Variants in AMBRA1 observed in about 807,000 individuals in gnomAD.
AMBRA1 encodes the protein autophagy and beclin 1 regulator 1.
Under a neutral mutation model 125.4 loss-of-function variants are expected in AMBRA1, and 47 were observed. The ratio of observed to expected loss-of-function variants is 0.37; its 90% CI spans 0.30 to 0.48. The LOEUF is 0.48. AMBRA1 is among the 20% of genes least tolerant of loss of function. AMBRA1 has a pLI of 0.99. For missense variants in AMBRA1, 1,331 were observed against 1,693.4 expected, an observed-to-expected ratio of 0.79 and a Z score of 3.76; for synonymous variants, 626 against 655.5, an observed-to-expected ratio of 0.95 and a Z score of 0.69.
intron 1 of AMBRA1, among the ~76,000 whole-genome samples, chr11:46,560,686 C>G (rs1364716827): frequency 6.6e-6 from 1 of 152,166 alleles, no homozygotes; most frequent in Non-Finnish European, 1.5e-5. Context: ...GAGGAAAGCA[C>G]TAAACCAAGA....
chr11:46,406,344 A>C (rs1590717616), intron 17 of AMBRA1, among the ~76,000 whole-genome samples: 2 of 130,218 alleles, frequency 1.5e-5, no homozygotes, highest in South Asian at 2.9e-4. Context: ...GTGAGCCACC[A>C]CACCCAGCTG....
intron 5 of AMBRA1, 133 bp downstream of exon 5, chr11:46,545,471 A>G (rs1248566422): frequency 9.4e-7 from 1 of 1,061,424 alleles, no homozygotes; most frequent in Non-Finnish European, 1.3e-6. Context: ...CAAAAAAAAA[A>G]TAGGAGGAGC....
intron 7 of AMBRA1, among the ~76,000 whole-genome samples, chr11:46,521,731 C>T (rs1386847041): frequency 1.3e-5 from 2 of 152,196 alleles, no homozygotes; most frequent in Admixed American, 6.5e-5. Context: ...GCAGGGCCCC[C>T]TAGTTTGAGG....
intron 1 of AMBRA1, among the ~76,000 whole-genome samples, chr11:46,587,500 T>C (rs776720064): frequency 1.3e-5 from 2 of 152,198 alleles, no homozygotes; most frequent in African/African-American, 4.8e-5. Flanking sequence ...ACATATTACA[T>C]GTAGCAATCA....
chr11:46,438,279 A>G (rs1947825783), intron 12 of AMBRA1, among the ~76,000 whole-genome samples: 1 of 152,240 alleles, frequency 6.6e-6, no homozygotes, highest in Non-Finnish European at 1.5e-5. Flanking sequence ...GACAGCAGGA[A>G]GCCATGTTCC....
intron 7 of AMBRA1, among the ~76,000 whole-genome samples, chr11:46,541,049 T>C (rs1056284439): frequency 6.6e-6 from 1 of 152,248 alleles, no homozygotes; most frequent in Non-Finnish European, 1.5e-5. Context: ...CGACAGAGGA[T>C]GTAATGCAGC....
chr11:46,477,081 A>AAGAGTGTCTT lies in AMBRA1; in HGVS notation c.2521+16526_2521+16527insAAGACACTCT, dbSNP rs1949844967. Among the ~76,000 whole-genome samples the AAGAGTGTCTT allele has an allele frequency of 2.0e-5, 3 of 150,918 alleles. No individual in the cohort carries two copies. In the East Asian group the frequency reaches 5.8e-4, roughly 29 times the overall value. On this transcript the variant is annotated intron_variant, in intron 11 of 17. Transcript: ENST00000683756. ...AGCCGAGATTGCGCCACTGCACTCC[A>AAGAGTGTCTT]GCCTGGGCAAGACTGTCTCAAAAAA... is the stretch of plus-strand genomic sequence containing the variant.
At chr11:46,523,032 G>A (rs1454298128) in intron 7 of AMBRA1, among the ~76,000 whole-genome samples, 1 of 152,182 alleles carries the variant, frequency 6.6e-6, no homozygotes, top group Non-Finnish European at 1.5e-5. Flanking sequence ...ATTAACCAGA[G>A]GCAAGGAGGC....
intron 15 of AMBRA1, among the ~76,000 whole-genome samples, chr11:46,411,684 G>T (rs1432376370): frequency 6.6e-6 from 1 of 152,172 alleles, no homozygotes; most frequent in Non-Finnish European, 1.5e-5. Flanking sequence ...GGCCAGGCTG[G>T]TCTCGAACTC....
intron 1 of AMBRA1, among the ~76,000 whole-genome samples, chr11:46,554,682 A>C (rs953010407): frequency 6.6e-6 from 1 of 152,190 alleles, no homozygotes; most frequent in African/African-American, 2.4e-5. Flanking sequence ...CCCTGTAAAG[A>C]ACAAAGGGAG....
Position 46,542,365 on chromosome 11 carries a change from G to C in AMBRA1, c.1652C>G (p.Pro551Arg). 6.2e-7 allele frequency: 1 copy of C among 1,614,134 alleles called. No individual in the cohort carries two copies. The highest frequency in any genetic ancestry group is 8.5e-7 in the Non-Finnish European group (1 of 1,180,036). Reference protein sequence around the residue: ...ERPGPSHQPTPHSSENNSNLS... With the variant: ...ERPGPSHQPTRHSSENNSNLS... ...GTTGGAGTTGTTCTCACTGCTGTGT[G>C]GGGTGGGCTGGTGGGAAGGGCCTGG... The change falls in exon 7 of 18, where the codon CCA (proline) becomes CGA (arginine). Residue 551 changes from proline to arginine, a missense_variant. Physicochemically the swap from Pro to Arg is moderately radical, Grantham distance 103. Coordinates refer to ENST00000683756, the MANE Select transcript of AMBRA1 (RefSeq NM_001387011.1). The surrounding 1 kb of genome is among the most constrained non-coding windows in gnomAD (Gnocchi z 5.9).
intron 14 of AMBRA1, among the ~76,000 whole-genome samples, chr11:46,421,887 A>T (rs1253009734): frequency 6.6e-6 from 1 of 152,156 alleles, no homozygotes; most frequent in East Asian, 1.9e-4. Flanking sequence ...GTAAACCCAA[A>T]GGTCATCAGT....
chr11:46,442,868 C>T (rs1342153710), intron 12 of AMBRA1, among the ~76,000 whole-genome samples: 2 of 152,148 alleles, frequency 1.3e-5, no homozygotes, highest in African/African-American at 4.8e-5. Flanking sequence ...ATTATAGGTG[C>T]ATGCCATCAT....
chr11:46,494,950 TAGGCCACGA>T (rs1332632840), intron 9 of AMBRA1: 2 of 152,338 alleles, frequency 1.3e-5, no homozygotes, highest in East Asian at 3.9e-4. Flanking sequence ...TTCTTCTGGC[TAGGCCACGA>T]AGTATTATTA....
At chr11:46,502,774 T>C (rs1041233278) in intron 9 of AMBRA1, among the ~76,000 whole-genome samples, 23 of 152,082 alleles carry the variant, frequency 1.5e-4, no homozygotes, top group Non-Finnish European at 2.9e-4. Context: ...GAATATTAAA[T>C]TGTGGGCCAG....
chr11:46,512,652 G>A (rs1204232535), intron 8 of AMBRA1, 75 bp downstream of exon 8: 18 of 1,187,486 alleles, frequency 1.5e-5, no homozygotes, highest in Admixed American at 1.9e-5. Flanking sequence ...GGCACAGAAC[G>A]GAGCTTCCAA....
At chr11:46,462,110 G>A (rs549660325) in intron 11 of AMBRA1, among the ~76,000 whole-genome samples, 19 of 152,306 alleles carry the variant, frequency 1.2e-4, no homozygotes, top group Admixed American at 4.6e-4. Context: ...GATATCTGAC[G>A]AGATTAAAAT....
intron 1 of AMBRA1, among the ~76,000 whole-genome samples, chr11:46,579,022 C>A (rs2044073217): frequency 2.8e-5 from 3 of 105,866 alleles, no homozygotes; most frequent in African/African-American, 3.9e-5. Context: ...TTAGCTATAG[C>A]AACAATGACC....
rs928008069 is a variant in AMBRA1, at chr11:46,486,545, A to T, written c.2521+7063T>A. Among the ~76,000 whole-genome samples, 9 of 152,316 alleles carry T rather than the reference A, an allele frequency of 5.9e-5. No individual in the cohort carries two copies. In the East Asian group the frequency reaches 1.5e-3, roughly 26 times the overall value. On this transcript the variant is annotated intron_variant, in intron 11 of 17. Transcript: ENST00000683756. ...TAAGTGAGACTAAAAAGTCCTCCTGAAAGTAATTCCCTAAGGAACCAGGGA... is the reference window on the plus strand; with the variant it reads ...TAAGTGAGACTAAAAAGTCCTCCTGTAAGTAATTCCCTAAGGAACCAGGGA...
Sources: allele counts gnomAD v4.1 joint callset (sites outside exome capture counted in the v4.1 genomes callset), GRCh38; gene constraint gnomAD v4.1.1; non-coding constraint Gnocchi (gnomAD v3.1); transcripts MANE v1.5; gene names NCBI Gene and HGNC (gene_info 2026-07-23, HGNC 2026-07-21).